The following NTRK2 variants were observed in gnomAD, a reference collection of about 807,000 sequenced individuals.
NTRK2 encodes the protein neurotrophic receptor tyrosine kinase 2.
Under a neutral mutation model 94.5 loss-of-function variants are expected in NTRK2, and 13 were observed. The observed-to-expected ratio is 0.14, with a 90% CI of 0.09 to 0.22. The LOEUF (loss-of-function observed/expected upper bound fraction) is 0.22. NTRK2 is among the 10% of genes least tolerant of loss of function. The probability of loss-of-function intolerance (pLI) is 1.00; values close to 1 mark genes in which losing one functional copy is unlikely to be tolerated. For synonymous variants in NTRK2, 372 were observed against 407.4 expected (o/e 0.91, Z 1.05); for missense variants, 639 against 1,071.2 (o/e 0.60, Z 5.63).
chr9:84,826,773 A>G (rs2073217310), intron 12 of NTRK2, among the ~76,000 whole-genome samples: 1 of 152,228 alleles, frequency 6.6e-6, no homozygotes, highest in Admixed American at 6.5e-5. Context: ...CAATATAGTT[A>G]TTGTCTATAG....
chr9:84,888,058 A>G (rs1422355975), intron 14 of NTRK2, among the ~76,000 whole-genome samples: 5 of 152,194 alleles, frequency 3.3e-5, no homozygotes, highest in African/African-American at 1.2e-4. Flanking sequence ...AACAAAACAA[A>G]TCCAGCCTCG....
intron 12 of NTRK2, among the ~76,000 whole-genome samples, chr9:84,757,443 G>A (rs1471933950): frequency 2.6e-5 from 4 of 152,146 alleles, no homozygotes; most frequent in Non-Finnish European, 4.4e-5. Context: ...TTGCCTTGCG[G>A]ATTTTTCTTT....
intron 17 of NTRK2, among the ~76,000 whole-genome samples, chr9:84,977,907 A>C (rs1259556288): frequency 6.6e-6 from 1 of 152,150 alleles, no homozygotes; most frequent in Admixed American, 6.5e-5. Context: ...CCAGTGATTT[A>C]TATTCAGTGG....
chr9:84,853,338 G>A (rs2074880508), intron 12 of NTRK2, among the ~76,000 whole-genome samples: 2 of 152,254 alleles, frequency 1.3e-5, no homozygotes, highest in African/African-American at 2.4e-5. Context: ...TTCACTTCTG[G>A]CAGTGTCTAG....
At chr9:84,920,764 A>G (rs2077540608) in intron 14 of NTRK2, among the ~76,000 whole-genome samples, 1 of 152,154 alleles carries the variant, frequency 6.6e-6, no homozygotes, top group Non-Finnish European at 1.5e-5. Flanking sequence ...CCCTCACCTC[A>G]CCAATCTAAA....
At chr9:84,855,035 A>G (rs1446640428) in intron 12 of NTRK2, among the ~76,000 whole-genome samples, 1 of 151,740 alleles carries the variant, frequency 6.6e-6, no homozygotes, top group Non-Finnish European at 1.5e-5. Context: ...GGAATAGGAA[A>G]GAGAACACTG....
chr9:84,856,011 G>A (rs936089979), intron 12 of NTRK2, among the ~76,000 whole-genome samples: 1 of 152,206 alleles, frequency 6.6e-6, no homozygotes, highest in Non-Finnish European at 1.5e-5. Context: ...ATATCGTGTA[G>A]CTATTAGCCC....
intron 14 of NTRK2, among the ~76,000 whole-genome samples, chr9:84,871,636 T>C (rs913589584): frequency 1.3e-5 from 2 of 152,248 alleles, no homozygotes; most frequent in African/African-American, 4.8e-5. Context: ...GGTGATCAAT[T>C]ATATCCCTTG....
At chr9:84,849,207 T>C (rs1185389972) in intron 12 of NTRK2, among the ~76,000 whole-genome samples, 1 of 152,212 alleles carries the variant, frequency 6.6e-6, no homozygotes, top group African/African-American at 2.4e-5. Context: ...GGGACTCTAT[T>C]CATTTCAGTC....
chr9:85,022,367 T>G lies in NTRK2; in HGVS notation c.*930T>G. ...CGCATAGTGTGCTCGGACACAGTTTTGTCTTCGTAGGTTGTGATGATAGCA... is the reference window on the plus strand; with the variant it reads ...CGCATAGTGTGCTCGGACACAGTTTGGTCTTCGTAGGTTGTGATGATAGCA... On this transcript the variant is annotated 3_prime_UTR_variant, in exon 19 of 19. Transcript: ENST00000277120. The G allele has an allele frequency of 4.3e-6, 1 of 233,252 alleles. No homozygotes were observed. Among genetic ancestry groups the G allele is most frequent in the Middle Eastern group, 1.3e-3 (1 of 786 alleles). 14.4% of individuals were successfully genotyped at this position (233,252 alleles called of 1,614,324 possible).
intron 12 of NTRK2, chr9:84,815,064 G>A: frequency 2.8e-6 from 3 of 1,058,656 alleles, no homozygotes; most frequent in Non-Finnish European, 2.3e-6. Context: ...AGAACTCCCA[G>A]CCCAGGAAAG....
intron 17 of NTRK2, among the ~76,000 whole-genome samples, chr9:84,963,193 A>G (rs945188283): frequency 2.0e-5 from 3 of 152,248 alleles, no homozygotes; most frequent in Admixed American, 6.5e-5. Flanking sequence ...TCTTTCCTAG[A>G]ACATCCCCTC....
chr9:84,736,974 G>A (rs1050210283), intron 9 of NTRK2, among the ~76,000 whole-genome samples: 6 of 152,150 alleles, frequency 3.9e-5, no homozygotes, highest in African/African-American at 1.4e-4. Flanking sequence ...AAATACTGTC[G>A]GCAAAGCAAG....
At chr9:84,894,765 C>A (rs1366859379) in intron 14 of NTRK2, among the ~76,000 whole-genome samples, 1 of 152,154 alleles carries the variant, frequency 6.6e-6, no homozygotes, top group Non-Finnish European at 1.5e-5. Flanking sequence ...AACTATCAGT[C>A]ATTTCTAATA....
chr9:84,786,092 C>T (rs1283269124), intron 12 of NTRK2, among the ~76,000 whole-genome samples: 1 of 152,226 alleles, frequency 6.6e-6, no homozygotes, highest in African/African-American at 2.4e-5. Context: ...CATTCAGCCA[C>T]TGTATGAGCC....
intron 14 of NTRK2, among the ~76,000 whole-genome samples, chr9:84,926,178 CTTTCTTT>C (rs2077797400): frequency 2.8e-5 from 2 of 71,754 alleles, no homozygotes; most frequent in African/African-American, 4.6e-5. Flanking sequence ...TCCTTTCTTT[CTTTCTTT>C]CTTTCTTTCT....
intron 2 of NTRK2, among the ~76,000 whole-genome samples, chr9:84,687,109 TC>T (rs1207070363): frequency 6.6e-6 from 1 of 152,202 alleles, no homozygotes; most frequent in Non-Finnish European, 1.5e-5. Context: ...AGACAGGGTT[TC>T]GCCCTGTTGC....
chr9:84,718,211 A>C (rs2061834684), intron 6 of NTRK2, among the ~76,000 whole-genome samples: 1 of 152,180 alleles, frequency 6.6e-6, no homozygotes, highest in Admixed American at 6.5e-5. Flanking sequence ...TAGGAACAAA[A>C]GCCCTTTGAA....
intron 12 of NTRK2, among the ~76,000 whole-genome samples, chr9:84,825,942 A>G (rs1235564103): frequency 6.6e-6 from 1 of 152,224 alleles, no homozygotes; most frequent in African/African-American, 2.4e-5. Flanking sequence ...AATGTTTCTG[A>G]GTAAAGCTAT....
Sources: allele counts gnomAD v4.1 joint callset (sites outside exome capture counted in the v4.1 genomes callset), GRCh38; gene constraint gnomAD v4.1.1; transcripts MANE v1.5; gene names NCBI Gene and HGNC (gene_info 2026-07-23, HGNC 2026-07-21).